SNAPC4: variants seen among roughly 807,000 people sequenced by gnomAD.
SNAPC4 encodes small nuclear RNA activating complex polypeptide 4.
In SNAPC4, 127 loss-of-function variants were observed where a neutral mutation model predicts 151.3. The ratio of observed to expected loss-of-function variants is 0.84; its 90% confidence interval spans 0.73 to 0.97. SNAPC4 has a LOEUF of 0.97. Ranked by LOEUF, SNAPC4 falls within the 50% of genes least tolerant of loss-of-function variation. SNAPC4 has a pLI of 0.00. For synonymous variants in SNAPC4, 1,002 were observed against 824.4 expected (o/e 1.22, Z -3.69); for missense variants, 2,186 against 1,935.0 (o/e 1.13, Z -2.43).
At chr9:136,397,159 C>T (rs960952816) in intron 2 of SNAPC4, 136 bp from the exon 3 acceptor site, 61 of 779,454 alleles carry the variant, frequency 7.8e-5, no homozygotes, top group African/African-American at 6.3e-4. Flanking sequence ...TGGCGGTGAG[C>T]GGACCTTCCC....
rs1486052519 is a variant in SNAPC4 at position 136,376,447 on chromosome 9, G to A, written c.4319C>T (p.Ser1440Phe). Residue 1440 changes from serine to phenylalanine, a missense_variant, in exon 23 of 24, where the codon TCC (serine) becomes TTC (phenylalanine). Coordinates refer to ENST00000684778, the MANE Select transcript of SNAPC4 (RefSeq NM_003086.4). ...APDSGKCSAS[S>F]CLDTSNDPDD... is the part of the protein sequence containing the mutation. Reference sequence around the variant, plus strand: ...AGGGTCATTAGAAGTATCCAGGCAGGAGGAAGCAGAGCATTTACCAGAGTC... The same window carrying A: ...AGGGTCATTAGAAGTATCCAGGCAGAAGGAAGCAGAGCATTTACCAGAGTC... 16 of 1,613,266 alleles carry A rather than the reference G, an allele frequency of 9.9e-6. No individual in the cohort carries two copies. In the South Asian group the frequency reaches 1.6e-4, roughly 17 times the overall value.
Position 136,387,891 on chromosome 9 carries a change from A to C in SNAPC4, c.1124-43T>G, listed in dbSNP as rs750450015. 4.5e-6 allele frequency: 5 copies of C among 1,098,988 alleles called. No homozygotes were observed. The African/African-American group carries it at 4.7e-5, about 10-fold the overall frequency. The allele number at this position is 1,098,988 out of a possible 1,614,324, so 68.1% of individuals were successfully genotyped here. A position where few individuals can be genotyped will look rare whatever the true frequency, so the allele number is the denominator to read the frequency against. The stretch of plus-strand genomic sequence containing the variant: ...GGGAGGTCCTGTGGGGCCGAGACAC[A>C]CACCCTCCATAGAGTAGACAGCTAG... On this transcript the variant is annotated intron_variant, in intron 11 of 23. Transcript: ENST00000684778.
At position 136,383,775 on chromosome 9, in the gene SNAPC4, G is replaced by A. The variant is rs532395804; in HGVS notation, c.1501-107C>T. ...GAGAGGCCCAAGCGGGGGCGCCTCC[G>A]GGGTCAAGAGCAGCCGCTGCCGAGG... is the stretch of plus-strand genomic sequence containing the variant. On this transcript the variant is annotated intron_variant, in intron 15 of 23. Coordinates refer to ENST00000684778, the MANE Select transcript of SNAPC4 (RefSeq NM_003086.4). The surrounding 1 kb of genome is among the most constrained non-coding windows in gnomAD (Gnocchi z 4.2). 63 of 1,442,532 alleles carry A rather than the reference G, an allele frequency of 4.4e-5. No homozygotes were observed. Among genetic ancestry groups the A allele is most frequent in the Admixed American group, 3.1e-4 (16 of 51,206 alleles). The allele number at this position is 1,442,532 out of a possible 1,614,324, so 89.4% of individuals were successfully genotyped here.
chr9:136,378,155 G>A lies in SNAPC4; in HGVS notation c.3672C>T (p.Ser1224=), dbSNP rs1833534586. 1.2e-6 allele frequency: 2 copies of A among 1,610,554 alleles called. No individual in the cohort carries two copies. Among genetic ancestry groups the A allele is most frequent in the Non-Finnish European group, 1.7e-6 (2 of 1,179,370 alleles). ...CCCTGGGCTCCTGTGTCCCTGAGGG[G>A]GACCCCGGCGTCCCCCTTGGCTCAG... ...PATEPRGTPG[S]PSGTQEPRGP... The change falls in exon 22 of 24, where the codon TCC becomes TCT. Residue 1224 remains serine (S), a synonymous_variant. Transcript: ENST00000684778.
chr9:136,387,602 A>G (rs749840884), intron 12 of SNAPC4, 23 bp from the exon 13 acceptor site: 1 of 1,568,486 alleles, frequency 6.4e-7, no homozygotes, highest in South Asian at 1.1e-5. Flanking sequence ...ACAGGCAGAC[A>G]AGTGAAGCCT....
At position 136,392,552 on chromosome 9, in the gene SNAPC4, G is replaced by A. The variant is rs1699976571; in HGVS notation, c.780C>T (p.Ser260=). The change falls in exon 9 of 24, where the codon AGC becomes AGT. Residue 260 remains serine (S), a synonymous_variant. Transcript: ENST00000684778. ...EEALLGNRLD[S]HDWEKISNIN... ...TATTGGAAATCTTCTCCCAGTCGTG[G>A]CTGTCCAGCCTGTTTCCCAGCAAGG... 2.5e-6 allele frequency: 4 copies of A among 1,613,876 alleles called. No homozygotes were observed. Among genetic ancestry groups the A allele is most frequent in the Non-Finnish European group, 3.4e-6 (4 of 1,180,034 alleles).
At position 136,397,909 on chromosome 9, in the gene SNAPC4, G is replaced by A. The variant is rs57012426; in HGVS notation, c.130+390C>T. Reference sequence around the variant, plus strand: ...GCCCTGCACAGGCCCAAGGAGGCCAGGCCCAGACCCTGGGATGCCTAGAGC... The same window carrying A: ...GCCCTGCACAGGCCCAAGGAGGCCAAGCCCAGACCCTGGGATGCCTAGAGC... On this transcript the variant is annotated intron_variant, in intron 2 of 23. Coordinates refer to ENST00000684778, the MANE Select transcript of SNAPC4 (RefSeq NM_003086.4). Among the ~76,000 whole-genome samples, 809 of 152,196 alleles carry A rather than the reference G, an allele frequency of 5.3e-3. 8 individuals are homozygous for A. The highest frequency in any genetic ancestry group is 0.018 in the African/African-American group (750 of 41,494).
At chr9:136,384,650 T>A (rs2131478079) in intron 14 of SNAPC4, 70 bp downstream of exon 14, 1 of 825,104 alleles carries the variant, frequency 1.2e-6, no homozygotes, top group Middle Eastern at 2.3e-4. Context: ...TCTGTCTTTA[T>A]CTTGATCTCT....
At chr9:136,376,314 G>A (rs1429953916) in intron 23 of SNAPC4, 35 bp downstream of exon 23, 1 of 1,610,066 alleles carries the variant, frequency 6.2e-7, no homozygotes, top group Non-Finnish European at 8.5e-7. Flanking sequence ...TGTCCCCTGG[G>A]TTGTAGGGCA....
chr9:136,386,577 G>C (rs1470110633), intron 13 of SNAPC4, among the ~76,000 whole-genome samples: 3 of 151,566 alleles, frequency 2.0e-5, no homozygotes, highest in African/African-American at 4.9e-5. Context: ...TGGGATTACA[G>C]GCATGTGCCA....
At position 136,383,940 on chromosome 9, in the gene SNAPC4, G is replaced by C. The variant is rs887514382; in HGVS notation, c.1500+13C>G. The C allele has an allele frequency of 9.9e-6, 16 of 1,610,788 alleles. No individual in the cohort carries two copies. The highest frequency in any genetic ancestry group is 1.2e-5 in the Non-Finnish European group (14 of 1,177,514). On this transcript the variant is annotated intron_variant, in intron 15 of 23. Coordinates refer to ENST00000684778, the MANE Select transcript of SNAPC4 (RefSeq NM_003086.4). This position sits in a 1 kb window ranked among gnomAD's most constrained non-coding sequence, Gnocchi z 4.2. Reference sequence around the variant, plus strand: ...TTGTCTGGTTTCAGATAAAGAAGGAGCGAGTGGCTCACCCCCATCATGATC... The same window carrying C: ...TTGTCTGGTTTCAGATAAAGAAGGACCGAGTGGCTCACCCCCATCATGATC...
At chr9:136,384,951 T>C in intron 13 of SNAPC4, 137 bp from the exon 14 acceptor site, 1 of 528,932 alleles carries the variant, frequency 1.9e-6, no homozygotes. Context: ...TAAAGTAGAC[T>C]TCATCAAAAG....
chr9:136,384,609 A>G, intron 14 of SNAPC4, 111 bp downstream of exon 14: 1 of 584,380 alleles, frequency 1.7e-6, no homozygotes, highest in South Asian at 2.3e-5. Flanking sequence ...TGGTCGCACC[A>G]CCGCACCCCA....
At position 136,377,844 on chromosome 9, in the gene SNAPC4, G is replaced by A. The variant is rs1206506190; in HGVS notation, c.3983C>T (p.Ala1328Val). ...LLHKKALEHK[A>V]TSLVVGGEAE... ...CTCGCCCCCCACCACCAGGGAGGTG[G>A]CCTTGTGCTCCAGGGCCTTCTTGTG... Residue 1328 changes from alanine (A) to valine (V), a missense_variant, in exon 22 of 24, where the codon GCC becomes GTC. Transcript: ENST00000684778. 6.2e-7 allele frequency: 1 copy of A among 1,611,408 alleles called. No individual in the cohort carries two copies. The highest frequency in any genetic ancestry group is 1.7e-5 in the Admixed American group (1 of 60,012).
rs3088081 is a variant in SNAPC4, at chr9:136,375,697, A to G, written c.*111T>C. ...GCCTCTGTTCACTGCGGACCTGGTC[A>G]GTCAGCGGCCAGCAGATACCTGGCC... On this transcript the variant is annotated 3_prime_UTR_variant, in exon 24 of 24. Transcript: ENST00000684778. The G allele has an allele frequency of 0.42, 64,624 of 152,316 alleles. 13,925 individuals are homozygous for G. The highest frequency in any genetic ancestry group is 0.52 in the Admixed American group (7,943 of 15,306). The allele number at this position is 152,316 out of a possible 1,614,324, so 9.4% of individuals were successfully genotyped here. A position where few individuals can be genotyped will look rare whatever the true frequency, so the allele number is the denominator to read the frequency against.
In SNAPC4 at chr9:136,391,984, T is replaced by C; in HGVS notation, c.933A>G (p.Ala311=). ...TCTTCTGCCACTCCAGGTGGCCGTG[T>C]GCAGCCGCGATCGCCTGCAGCCGCT... ...EEERLQAIAA[A]HGHLEWQKIA... The change falls in exon 10 of 24, where the codon GCA becomes GCG. Residue 311 remains alanine (A), a synonymous_variant. Transcript: ENST00000684778. 1.2e-6 allele frequency: 2 copies of C among 1,608,198 alleles called. No individual in the cohort carries two copies. Among genetic ancestry groups the C allele is most frequent in the Non-Finnish European group, 1.7e-6 (2 of 1,179,972 alleles).
intron 16 of SNAPC4, among the ~76,000 whole-genome samples, chr9:136,382,644 G>A (rs1461629334): frequency 6.6e-6 from 1 of 152,220 alleles, no homozygotes; most frequent in Non-Finnish European, 1.5e-5. Context: ...GCAGCAGCGA[G>A]CCCCATGCAC....
rs1483516250 is a variant in SNAPC4, at chr9:136,391,561, T to TA, written c.975+380dup. ...CCAAGTCAGTAAAGAACTGAGTCCT[T>TA]ACTCAGGAAACCAGAAAAGCGGCAA... On this transcript the variant is annotated intron_variant, in intron 10 of 23. Transcript: ENST00000684778. 3.3e-5 allele frequency among the ~76,000 whole-genome samples: 3 copies of TA among 91,576 alleles called. No homozygotes were observed. In the East Asian group the frequency reaches 6.4e-4, roughly 20 times the overall value. 60.1% of individuals were successfully genotyped at this position (91,576 alleles called of 152,430 possible).
rs2131471311 is a variant in SNAPC4 at position 136,383,123 on chromosome 9, T to C, written c.1983+63A>G. The C allele has an allele frequency of 6.7e-7, 1 of 1,499,964 alleles. No individual in the cohort carries two copies. Among genetic ancestry groups the C allele is most frequent in the Middle Eastern group, 2.2e-4 (1 of 4,626 alleles). 92.9% of individuals were successfully genotyped at this position (1,499,964 alleles called of 1,614,324 possible). On this transcript the variant is annotated intron_variant, in intron 16 of 23. Transcript: ENST00000684778. The surrounding 1 kb of genome is among the most constrained non-coding windows in gnomAD (Gnocchi z 4.2). Reference sequence around the variant, plus strand: ...CCTGCTGCTGCACTATCCCCAAGCGTCAGCCCTGGCGAGCGAGTGCCGAAA... The same window carrying C: ...CCTGCTGCTGCACTATCCCCAAGCGCCAGCCCTGGCGAGCGAGTGCCGAAA...
Sources: gnomAD v4.1 joint callset for allele counts (sites outside exome capture counted in the v4.1 genomes callset) on GRCh38, gnomAD v4.1.1 for gene constraint, Gnocchi (gnomAD v3.1) non-coding constraint, MANE v1.5 for transcripts, NCBI Gene and HGNC (gene_info 2026-07-23, HGNC 2026-07-21) for gene names.